RNF169: variants seen among roughly 807,000 people sequenced by gnomAD.
RNF169 encodes the protein E3 ubiquitin-protein ligase RNF169.
RNF169 carries 24 observed loss-of-function variants against 53.9 expected under a neutral mutation model. That is an observed-to-expected ratio of 0.45 (90% confidence interval 0.32 to 0.63). RNF169 has a LOEUF of 0.63. Among genes scored for constraint, RNF169 ranks in the 20% least tolerant of loss-of-function variants. The pLI, the probability that RNF169 is intolerant of heterozygous loss-of-function variation, is 0.04. For missense variants in RNF169, 883 were observed against 906.2 expected, an observed-to-expected ratio of 0.97 and a Z score of 0.33; for synonymous variants, 396 against 363.5, an observed-to-expected ratio of 1.09 and a Z score of -1.02.
At chr11:74,781,522 C>A (rs60640536) in intron 1 of RNF169, among the ~76,000 whole-genome samples, 1 of 152,120 alleles carries the variant, frequency 6.6e-6, no homozygotes, top group African/African-American at 2.4e-5. Flanking sequence ...TTTAGTATGG[C>A]GAGTAATCAG....
At chr11:74,795,214 A>T (rs1438085733) in intron 2 of RNF169, among the ~76,000 whole-genome samples, 2 of 117,176 alleles carry the variant, frequency 1.7e-5, no homozygotes, top group African/African-American at 7.0e-5. Flanking sequence ...TTTAATGTAG[A>T]TACTCTTTTT....
intron 2 of RNF169, among the ~76,000 whole-genome samples, chr11:74,790,222 TTGTC>T (rs1045382524): frequency 1.3e-5 from 2 of 152,174 alleles, no homozygotes; most frequent in Admixed American, 6.5e-5. Flanking sequence ...TTCAAACTAA[TTGTC>T]TGGGAATCAC....
chr11:74,826,155 A>T (rs1248232134), intron 4 of RNF169, among the ~76,000 whole-genome samples: 1 of 152,094 alleles, frequency 6.6e-6, no homozygotes, highest in Non-Finnish European at 1.5e-5. Context: ...GTGAAACCCC[A>T]TCTGTACTAA....
chr11:74,814,565 TG>T (rs971011447), intron 3 of RNF169, among the ~76,000 whole-genome samples: 2 of 151,368 alleles, frequency 1.3e-5, no homozygotes, highest in African/African-American at 4.9e-5. Flanking sequence ...TTCAAGTTTT[TG>T]TTTTTGTAGA....
chr11:74,820,992 T>G (rs1345357638), intron 4 of RNF169, among the ~76,000 whole-genome samples: 1 of 152,166 alleles, frequency 6.6e-6, no homozygotes, highest in East Asian at 1.9e-4. Context: ...GAAGCTGCAA[T>G]TCAAAGAGGT....
chr11:74,756,428 A>T (rs1419230634), intron 1 of RNF169, among the ~76,000 whole-genome samples: 1 of 152,206 alleles, frequency 6.6e-6, no homozygotes, highest in East Asian at 1.9e-4. Context: ...TAGTTTCTTC[A>T]TTTGGAAAAT....
At chr11:74,752,709 A>C (rs996068688) in intron 1 of RNF169, among the ~76,000 whole-genome samples, 6 of 151,952 alleles carry the variant, frequency 3.9e-5, no homozygotes, top group Non-Finnish European at 8.8e-5. Flanking sequence ...TGTACATTAT[A>C]CACACTGTTC....
Position 74,767,701 on chromosome 11 carries a change from C to G in RNF169, c.502+18319C>G, listed in dbSNP as rs2035195617. On this transcript the variant is annotated intron_variant, in intron 1 of 5. Transcript: ENST00000299563. ...TCTCCTGCCTCAGCCTCCCGAATAG[C>G]TTGGACTACAGGTGCCCGCCACCAT... 1.4e-4 allele frequency among the ~76,000 whole-genome samples: 21 copies of G among 152,190 alleles called. No individual in the cohort carries two copies. The South Asian group carries it at 4.4e-3, about 32-fold the overall frequency.
Position 74,836,359 on chromosome 11 carries a change from GTCC to G in RNF169, c.1759_1761del (p.Leu587del). Reference sequence around the variant, plus strand: ...ACCCCAAAACAGTGTTTTGGGTGGAGTCCTCAAAACAAAGCAACAATTGAAGAC... The same window carrying G: ...ACCCCAAAACAGTGTTTTGGGTGGAGTCAAAACAAAGCAACAATTGAAGAC... On this transcript the variant is annotated inframe_deletion, in exon 6 of 6. Coordinates refer to ENST00000299563, the MANE Select transcript of RNF169 (RefSeq NM_001098638.2). 3 of 1,614,116 alleles carry G rather than the reference GTCC, an allele frequency of 1.9e-6. No homozygotes were observed. The highest frequency in any genetic ancestry group is 2.5e-6 in the Non-Finnish European group (3 of 1,179,980).
At chr11:74,826,119 A>G (rs60393860) in intron 4 of RNF169, among the ~76,000 whole-genome samples, 2,985 of 152,282 alleles carry the variant, frequency 0.02, 70 homozygotes, top group African/African-American at 0.069. Flanking sequence ...TGAAGTCAAG[A>G]GTTCAAGACC....
chr11:74,753,636 T>A (rs2135301370), intron 1 of RNF169, among the ~76,000 whole-genome samples: 1 of 152,310 alleles, frequency 6.6e-6, no homozygotes, highest in African/African-American at 2.4e-5. Context: ...CATCACATAG[T>A]TGGATCAATT....
intron 1 of RNF169, among the ~76,000 whole-genome samples, chr11:74,782,440 T>C (rs1487341406): frequency 2.0e-5 from 3 of 152,178 alleles, no homozygotes; most frequent in Non-Finnish European, 4.4e-5. Context: ...GAACTGTGCA[T>C]GCAAGGGATC....
At position 74,836,294 on chromosome 11, in the gene RNF169, T is replaced by A. The variant is rs766535373; in HGVS notation, c.1691T>A (p.Ile564Lys). Reference protein sequence around the residue: ...TPDAKLDKTCISRAMKITTVN... With the variant: ...TPDAKLDKTCKSRAMKITTVN... ...GATGCCAAGTTAGACAAAACCTGTA[T>A]AAGCAGAGCCATGAAAATCACCACA... The change falls in exon 6 of 6, where the codon ATA (isoleucine) becomes AAA (lysine). Residue 564 changes from isoleucine to lysine, a missense_variant. Ile to Lys is a moderately radical substitution (Grantham distance 102). Around this residue, in one of 3 missense-constraint regions of RNF169, gnomAD observed 351 missense variants for 337.3 expected, o/e 1.04. Coordinates refer to ENST00000299563, the MANE Select transcript of RNF169 (RefSeq NM_001098638.2). The A allele has an allele frequency of 1.2e-6, 2 of 1,614,148 alleles. No homozygotes were observed. Among genetic ancestry groups the A allele is most frequent in the East Asian group, 2.2e-5 (1 of 44,876 alleles).
intron 3 of RNF169, among the ~76,000 whole-genome samples, chr11:74,811,235 TG>T (rs1357541567): frequency 1.3e-5 from 2 of 152,274 alleles, no homozygotes. Context: ...TTTGTGCTTC[TG>T]GGTTTATTTA....
chr11:74,792,519 AGCCTCC>A, intron 2 of RNF169, among the ~76,000 whole-genome samples: 1 of 152,264 alleles, frequency 6.6e-6, no homozygotes, highest in South Asian at 2.1e-4. Context: ...CTCCTGCCTC[AGCCTCC>A]CAAGTAGCTG....
intron 2 of RNF169, 93 bp downstream of exon 2, chr11:74,789,792 A>G (rs187240479): frequency 1.3e-6 from 1 of 779,196 alleles, no homozygotes; most frequent in Non-Finnish European, 2.1e-6. Flanking sequence ...GGTTTTAAAA[A>G]ATTTATAATG....
In RNF169 at chr11:74,793,418, C is replaced by T. The variant is rs1231791638; in HGVS notation, c.576+3719C>T. On this transcript the variant is annotated intron_variant, in intron 2 of 5. Transcript: ENST00000299563. Reference sequence around the variant, plus strand: ...TAATATACTTTTCACTTAGTATACTCTATTACTTTAAGTGACAGTAAAAAC... The same window carrying T: ...TAATATACTTTTCACTTAGTATACTTTATTACTTTAAGTGACAGTAAAAAC... 3.3e-5 allele frequency among the ~76,000 whole-genome samples: 5 copies of T among 152,156 alleles called. No homozygotes were observed. In the South Asian group the frequency reaches 1.0e-3, roughly 31 times the overall value.
chr11:74,772,540 T>G (rs558730823), intron 1 of RNF169, among the ~76,000 whole-genome samples: 1 of 151,986 alleles, frequency 6.6e-6, no homozygotes, highest in South Asian at 2.1e-4. Context: ...TAAAGCTCTT[T>G]TTTACCCTGT....
intron 4 of RNF169, 141 bp from the exon 5 acceptor site, chr11:74,834,535 T>G: frequency 7.7e-6 from 4 of 519,986 alleles, no homozygotes; most frequent in Non-Finnish European, 1.4e-5. Flanking sequence ...TGTTAATAAA[T>G]TAACTCATTT....
Sources: gnomAD v4.1 joint callset for allele counts (sites outside exome capture counted in the v4.1 genomes callset) on GRCh38, gnomAD v4.1.1 for gene constraint, gnomAD v4.1.1 regional missense constraint, MANE v1.5 for transcripts, NCBI Gene and HGNC (gene_info 2026-07-23, HGNC 2026-07-21) for gene names.